Variants in KCNAB2 observed in about 807,000 individuals in gnomAD.
KCNAB2 encodes potassium voltage-gated channel subfamily A regulatory beta subunit 2.
KCNAB2 carries 29 observed loss-of-function variants against 63.6 expected under a neutral mutation model. The observed-to-expected ratio is 0.46, with a 90% CI of 0.34 to 0.62. The LOEUF (loss-of-function observed/expected upper bound fraction) is 0.62. Ranked by LOEUF, KCNAB2 falls within the 20% of genes least tolerant of loss-of-function variation. The probability of loss-of-function intolerance (pLI) is 0.01; values close to 1 mark genes in which losing one functional copy is unlikely to be tolerated. For synonymous variants in KCNAB2, 222 were observed against 224.2 expected (o/e 0.99, Z 0.09); for missense variants, 359 against 563.9 (o/e 0.64, Z 3.68).
rs1273627400 is a variant in KCNAB2 at position 6,099,810 on chromosome 1, T to G, written c.*1236T>G. 6 of 1,520,666 alleles carry G rather than the reference T, an allele frequency of 3.9e-6. No individual in the cohort carries two copies. The South Asian group carries it at 7.6e-5, about 19-fold the overall frequency. The allele number at this position is 1,520,666 out of a possible 1,614,324, so 94.2% of individuals were successfully genotyped here. A position where few individuals can be genotyped will look rare whatever the true frequency, so the allele number is the denominator to read the frequency against. ...TTAGCCCCTCCCACTGCCTGACACC[T>G]GGGACAGGCTGGGCAGAGGGGAGAG... On this transcript the variant is annotated 3_prime_UTR_variant, in exon 16 of 16. Coordinates refer to ENST00000378083, the MANE Select transcript of KCNAB2 (RefSeq NM_001199862.2).
Position 6,072,820 on chromosome 1 carries a change from G to C in KCNAB2, c.262+22G>C, listed in dbSNP as rs373877506. 1.9e-6 allele frequency: 3 copies of C among 1,611,806 alleles called. No homozygotes were observed. In the Admixed American group the frequency reaches 5.0e-5, roughly 27 times the overall value. On this transcript the variant is annotated intron_variant, in intron 3 of 15. Transcript: ENST00000378083. Reference sequence around the variant, plus strand: ...CTTGGTGAGTGTGGGGGTCCCCTCCGTCCCACCAGGGAAACAGGCTGTGGG... The same window carrying C: ...CTTGGTGAGTGTGGGGGTCCCCTCCCTCCCACCAGGGAAACAGGCTGTGGG...
intron 1 of KCNAB2, among the ~76,000 whole-genome samples, chr1:6,023,178 A>T (rs548424556): frequency 6.6e-6 from 1 of 152,142 alleles, no homozygotes; most frequent in Non-Finnish European, 1.5e-5. Flanking sequence ...CACCATGTTC[A>T]GCCTTTGCGT....
chr1:6,050,962 T>C (rs1032381301), intron 1 of KCNAB2, among the ~76,000 whole-genome samples: 1 of 152,220 alleles, frequency 6.6e-6, no homozygotes, highest in Non-Finnish European at 1.5e-5. Flanking sequence ...GACCTTCCCA[T>C]GTTGGGGCCA....
In KCNAB2 at chr1:6,100,222, G is replaced by A. The variant is rs1301024329; in HGVS notation, c.*1648G>A. Reference sequence around the variant, plus strand: ...GCCAGCGGGGAGAGGCTGGGGCGAGGGGAGGAGGGGGATCAGCTTCTGCTA... The same window carrying A: ...GCCAGCGGGGAGAGGCTGGGGCGAGAGGAGGAGGGGGATCAGCTTCTGCTA... On this transcript the variant is annotated 3_prime_UTR_variant, in exon 16 of 16. Coordinates refer to ENST00000378083, the MANE Select transcript of KCNAB2 (RefSeq NM_001199862.2). 4 of 821,728 alleles carry A rather than the reference G, an allele frequency of 4.9e-6. No individual in the cohort carries two copies. Among genetic ancestry groups the A allele is most frequent in the Non-Finnish European group, 7.0e-6 (4 of 572,734 alleles). The allele number at this position is 821,728 out of a possible 1,614,324, so 50.9% of individuals were successfully genotyped here.
rs1030581975 is a variant in KCNAB2, at chr1:6,078,448, G to A, written c.301-3747G>A. On this transcript the variant is annotated intron_variant, in intron 4 of 15. Transcript: ENST00000378083. The surrounding 1 kb of genome is among the most constrained non-coding windows in gnomAD (Gnocchi z 4.2). ...AAAGTAGAAAAAGGAGGGCAGGGGG[G>A]CGGGGGTCCTGACGACAGGGTGGTC... Among the ~76,000 whole-genome samples, 1 of 152,070 alleles carries A rather than the reference G, an allele frequency of 6.6e-6. No individual in the cohort carries two copies. The highest frequency in any genetic ancestry group is 1.5e-5 in the Non-Finnish European group (1 of 68,004).
intron 1 of KCNAB2, among the ~76,000 whole-genome samples, chr1:5,997,535 G>C (rs1361155249): frequency 2.0e-5 from 3 of 152,208 alleles, no homozygotes; most frequent in African/African-American, 7.2e-5. Flanking sequence ...GTGGGTTGCA[G>C]AGCCATGCTC....
chr1:6,002,578 C>T (rs1039462692), intron 1 of KCNAB2, among the ~76,000 whole-genome samples: 16 of 152,236 alleles, frequency 1.1e-4, no homozygotes, highest in African/African-American at 3.6e-4. Flanking sequence ...CCGATGAGGA[C>T]ACAGCTTGTG....
At chr1:6,082,091 C>T in intron 4 of KCNAB2, 104 bp from the exon 5 acceptor site, 2 of 925,776 alleles carry the variant, frequency 2.2e-6, no homozygotes, top group Non-Finnish European at 3.5e-6. Flanking sequence ...CCCGGGAGGG[C>T]AGGGCCTGGA....
intron 2 of KCNAB2, among the ~76,000 whole-genome samples, chr1:6,064,855 C>A (rs535513698): frequency 6.6e-6 from 1 of 152,262 alleles, no homozygotes; most frequent in South Asian, 2.1e-4. Context: ...CAGAGCCAGC[C>A]CCTCCGGATG....
At position 6,100,180 on chromosome 1, in the gene KCNAB2, C is replaced by A; in HGVS notation, c.*1606C>A. ...CCTGGCCGGGCCAAGGCCTGGGAAACTGTGAAAGTCAGAAAGGCCAGCGGG... is the reference window on the plus strand; with the variant it reads ...CCTGGCCGGGCCAAGGCCTGGGAAAATGTGAAAGTCAGAAAGGCCAGCGGG... On this transcript the variant is annotated 3_prime_UTR_variant, in exon 16 of 16. Transcript: ENST00000378083. 1 of 1,237,154 alleles carries A rather than the reference C, an allele frequency of 8.1e-7. No individual in the cohort carries two copies. The highest frequency in any genetic ancestry group is 1.1e-6 in the Non-Finnish European group (1 of 943,184). The allele number at this position is 1,237,154 out of a possible 1,614,324, so 76.6% of individuals were successfully genotyped here. A position where few individuals can be genotyped will look rare whatever the true frequency, so the allele number is the denominator to read the frequency against.
intron 14 of KCNAB2, 116 bp from the exon 15 acceptor site, chr1:6,097,153 C>T (rs1420996443): frequency 3.3e-6 from 4 of 1,214,272 alleles, no homozygotes; most frequent in Non-Finnish European, 4.5e-6. Context: ...TTCCTAGACC[C>T]CCTCAGACCC....
chr1:6,079,039 GC>G (rs564557369), intron 4 of KCNAB2, among the ~76,000 whole-genome samples: 122 of 152,306 alleles, frequency 8.0e-4, no homozygotes, highest in Non-Finnish European at 1.4e-3. Context: ...AGGGGAAGCC[GC>G]GGCAGGGGCT....
chr1:6,008,898 G>C (rs1351671682), intron 1 of KCNAB2, among the ~76,000 whole-genome samples: 1 of 152,194 alleles, frequency 6.6e-6, no homozygotes, highest in Non-Finnish European at 1.5e-5. Context: ...GAAGCCTCTG[G>C]CCTGGGCGGA....
chr1:6,074,723 G>A lies in KCNAB2; in HGVS notation c.300+953G>A, dbSNP rs983635757. ...ACCTGTAACCCCAGCACTTTGGAAGGCTGGGGCGGGCGGATCACCTGAGGT... is the reference window on the plus strand; with the variant it reads ...ACCTGTAACCCCAGCACTTTGGAAGACTGGGGCGGGCGGATCACCTGAGGT... On this transcript the variant is annotated intron_variant, in intron 4 of 15. Transcript: ENST00000378083. The surrounding 1 kb of genome is among the most constrained non-coding windows in gnomAD (Gnocchi z 4.9). 2.0e-5 allele frequency among the ~76,000 whole-genome samples: 3 copies of A among 152,186 alleles called. No individual in the cohort carries two copies. Among genetic ancestry groups the A allele is most frequent in the Admixed American group, 6.5e-5 (1 of 15,286 alleles).
chr1:6,064,452 C>A (rs1662576584), intron 2 of KCNAB2, among the ~76,000 whole-genome samples: 1 of 152,196 alleles, frequency 6.6e-6, no homozygotes, highest in Admixed American at 6.5e-5. Context: ...ATAGTCTGAG[C>A]AAATTCCATC....
Position 6,074,853 on chromosome 1 carries a change from CT to C in KCNAB2, c.300+1084del. On this transcript the variant is annotated intron_variant, in intron 4 of 15. Coordinates refer to ENST00000378083, the MANE Select transcript of KCNAB2 (RefSeq NM_001199862.2). The surrounding 1 kb of genome is among the most constrained non-coding windows in gnomAD (Gnocchi z 4.9). ...CCTGTAATCCCAGCTACTCAGGAGG[CT>C]GAGGCAGGAGAATTGCTTGAACCCA... 6.6e-6 allele frequency among the ~76,000 whole-genome samples: 1 copy of C among 151,296 alleles called. No individual in the cohort carries two copies. The highest frequency in any genetic ancestry group is 2.1e-4 in the South Asian group (1 of 4,792).
intron 1 of KCNAB2, among the ~76,000 whole-genome samples, chr1:6,038,832 C>T (rs936152916): frequency 6.6e-6 from 1 of 152,230 alleles, no homozygotes; most frequent in Admixed American, 6.5e-5. Context: ...GGCTAAGTGT[C>T]AGGTTTCCCA....
chr1:6,048,547 C>G (rs1397471185), intron 1 of KCNAB2, among the ~76,000 whole-genome samples: 1 of 152,264 alleles, frequency 6.6e-6, no homozygotes, highest in Non-Finnish European at 1.5e-5. Context: ...CGTCCTCCAG[C>G]CCCGGGGCCT....
At position 6,073,001 on chromosome 1, in the gene KCNAB2, G is replaced by A. The variant is rs553700509; in HGVS notation, c.262+203G>A. Among the ~76,000 whole-genome samples the A allele has an allele frequency of 2.6e-5, 4 of 152,210 alleles. No individual in the cohort carries two copies. In the East Asian group the frequency reaches 5.8e-4, roughly 22 times the overall value. On this transcript the variant is annotated intron_variant, in intron 3 of 15. Coordinates refer to ENST00000378083, the MANE Select transcript of KCNAB2 (RefSeq NM_001199862.2). The surrounding 1 kb of genome is among the most constrained non-coding windows in gnomAD (Gnocchi z 5.7). Reference sequence around the variant, plus strand: ...CAGGTGGGAGGGGGGCTGGGATAGAGGGAGAGAGACACAGTCTCAGCAGAG... The same window carrying A: ...CAGGTGGGAGGGGGGCTGGGATAGAAGGAGAGAGACACAGTCTCAGCAGAG...
Sources: gnomAD v4.1 joint callset for allele counts (sites outside exome capture counted in the v4.1 genomes callset) on GRCh38, gnomAD v4.1.1 for gene constraint, Gnocchi (gnomAD v3.1) non-coding constraint, MANE v1.5 for transcripts, NCBI Gene and HGNC (gene_info 2026-07-23, HGNC 2026-07-21) for gene names.